Variants in FHOD1 observed in about 807,000 individuals in gnomAD.
The protein encoded by FHOD1 is FH1/FH2 domain-containing protein 1.
In FHOD1, 89 loss-of-function variants were observed where a neutral mutation model predicts 111.6. The observed-to-expected ratio is 0.80, with a 90% CI of 0.67 to 0.95. The LOEUF (loss-of-function observed/expected upper bound fraction) is 0.95. Among genes scored for constraint, FHOD1 ranks in the 40% least tolerant of loss-of-function variants. The pLI is 0.00. For synonymous variants in FHOD1, 618 were observed against 639.0 expected (o/e 0.97, Z 0.50); for missense variants, 1,446 against 1,554.2 (o/e 0.93, Z 1.17).
intron 19 of FHOD1, 38 bp from the exon 20 acceptor site, chr16:67,230,266 G>A: frequency 1.2e-6 from 2 of 1,613,504 alleles, no homozygotes; most frequent in Non-Finnish European, 8.5e-7. Context: ...AGGAGCGAAG[G>A]AAACCAAGGA....
intron 1 of FHOD1, among the ~76,000 whole-genome samples, chr16:67,246,391 G>A (rs2034833068): frequency 6.6e-6 from 1 of 152,226 alleles, no homozygotes; most frequent in Non-Finnish European, 1.5e-5. Flanking sequence ...GCTGCCTGCG[G>A]GGGGCTGACG....
chr16:67,247,312 G>A lies in FHOD1; in HGVS notation c.99C>T (p.Asn33=), dbSNP rs546827133. 3.1e-6 allele frequency: 5 copies of A among 1,613,574 alleles called. No individual in the cohort carries two copies. Among genetic ancestry groups the A allele is most frequent in the South Asian group, 1.1e-5 (1 of 91,086 alleles). The part of the protein sequence containing the change: ...LEDTDPFACA[N]FPEPRRAPTC... The stretch of plus-strand genomic sequence containing the variant: ...TGGGGGCCCGGCGCGGCTCCGGAAA[G>A]TTGGCACATGCGAAGGGGTCGGTGT... The change falls in exon 1 of 22, where the codon AAC becomes AAT. Residue 33 remains asparagine (N), a synonymous_variant. Transcript: ENST00000258201.
At chr16:67,236,848 G>T in intron 10 of FHOD1, 115 bp from the exon 11 acceptor site, 1 of 1,416,446 alleles carries the variant, frequency 7.1e-7, no homozygotes. Context: ...AGGCCCAGTG[G>T]AGGAGGTGGG....
In FHOD1 at chr16:67,231,898, C is replaced by A; in HGVS notation, c.2203-79G>T. ...GAGGCATTGGTCTTGACCCCTCAGT[C>A]ATCTAGGGGAGGCCCCAGTGTCTGG... On this transcript the variant is annotated intron_variant, in intron 14 of 21. Transcript: ENST00000258201. This position sits in a 1 kb window ranked among gnomAD's most constrained non-coding sequence, Gnocchi z 4.3. 6.5e-7 allele frequency: 1 copy of A among 1,543,116 alleles called. No individual in the cohort carries two copies. Among genetic ancestry groups the A allele is most frequent in the South Asian group, 1.2e-5 (1 of 82,630 alleles).
At chr16:67,243,810 C>T (rs142905356) in intron 1 of FHOD1, among the ~76,000 whole-genome samples, 33 of 152,326 alleles carry the variant, frequency 2.2e-4, no homozygotes, top group Non-Finnish European at 4.0e-4. Flanking sequence ...GACACACGCA[C>T]CCCATGCAAG....
In FHOD1 at chr16:67,230,340, T is replaced by TG. The variant is rs766412779; in HGVS notation, c.3024dup (p.Lys1009GlnfsTer40). 1.2e-6 allele frequency: 2 copies of TG among 1,614,240 alleles called. No homozygotes were observed. Among genetic ancestry groups the TG allele is most frequent in the Non-Finnish European group, 1.7e-6 (2 of 1,180,030 alleles). ...TCGGTGATCATGCGTCCCCGGGTCTTGTTGCGCTCACGGTATGTGGCCTGC... is the reference window on the plus strand; with the variant it reads ...TCGGTGATCATGCGTCCCCGGGTCTTGGTTGCGCTCACGGTATGTGGCCTGC... On this transcript the variant is annotated frameshift_variant, in exon 19 of 22. Transcript: ENST00000258201. LOFTEE classifies it high-confidence loss of function.
Position 67,230,744 on chromosome 16 carries a change from C to T in FHOD1, c.2715G>A (p.Arg905=), listed in dbSNP as rs1039067687. 6.2e-7 allele frequency: 1 copy of T among 1,609,752 alleles called. No individual in the cohort carries two copies. The highest frequency in any genetic ancestry group is 1.3e-5 in the African/African-American group (1 of 75,000). Residue 905 remains arginine, a synonymous_variant, in exon 18 of 22, where the codon CGG becomes CGA. Transcript: ENST00000258201. ...GCAGGCTCTCCTCGGCTGCCCGGCTCCGGCGCTCCAGCTGCCCCAGGTTCT... is the reference window on the plus strand; with the variant it reads ...GCAGGCTCTCCTCGGCTGCCCGGCTTCGGCGCTCCAGCTGCCCCAGGTTCT... ...LTENLGQLER[R]SRAAEESLRS...
At chr16:67,241,962 A>C (rs550347166) in intron 1 of FHOD1, among the ~76,000 whole-genome samples, 1 of 152,006 alleles carries the variant, frequency 6.6e-6, no homozygotes, top group East Asian at 1.9e-4. Flanking sequence ...CTGAAGGTTA[A>C]ATAGTCCACC....
At position 67,237,356 on chromosome 16, in the gene FHOD1, G is replaced by A; in HGVS notation, c.876C>T (p.Asp292=). The change falls in exon 9 of 22, where the codon GAC becomes GAT. Residue 292 remains aspartate, a synonymous_variant. Transcript: ENST00000258201. This position sits in a 1 kb window ranked among gnomAD's most constrained non-coding sequence, Gnocchi z 5.6. ...GTGCATCCGTCACATCGTAGAAGGA[G>A]TCCTGGTCCGGGAGCGCCGCCAGCG... ...NKTLAALPDQ[D]SFYDVTDALE... is the part of the protein sequence containing the mutation. 2 of 1,614,070 alleles carry A rather than the reference G, an allele frequency of 1.2e-6. No individual in the cohort carries two copies. Among genetic ancestry groups the A allele is most frequent in the South Asian group, 1.1e-5 (1 of 91,080 alleles).
chr16:67,230,445 T>A lies in FHOD1; in HGVS notation c.2920A>T (p.Met974Leu), dbSNP rs367934888. ...TPQAAREVRI[M>L]QFCHTLREFA... The stretch of plus-strand genomic sequence containing the variant: ...TCCCGCAGCGTGTGGCAGAACTGCA[T>A]GATGCGCACTTCACGGGCCGCCTGC... The change falls in exon 19 of 22, where the codon ATG (methionine) becomes TTG (leucine). Residue 974 changes from methionine (M) to leucine (L), a missense_variant. This residue lies in a region of FHOD1 where 1,085 missense variants were observed against 1,108.8 expected (regional missense o/e 0.98). Transcript: ENST00000258201. 24 of 1,614,216 alleles carry A rather than the reference T, an allele frequency of 1.5e-5. No individual in the cohort carries two copies. Among genetic ancestry groups the A allele is most frequent in the Non-Finnish European group, 1.8e-5 (21 of 1,180,032 alleles).
rs757497666 is a variant in FHOD1 at position 67,236,954 on chromosome 16, GCTCGTA to G, written c.1142+6_1142+11del. ...GATCCACCCTTTCCCATCTACAGAT[GCTCGTA>G]CTTACCCAGGTTCCGGGGCACGCGC... On this transcript the variant is annotated splice_donor_region_variant and intron_variant, in intron 10 of 21. Coordinates refer to ENST00000258201, the MANE Select transcript of FHOD1 (RefSeq NM_013241.3). 3 of 1,572,062 alleles carry G rather than the reference GCTCGTA, an allele frequency of 1.9e-6. No individual in the cohort carries two copies. Among genetic ancestry groups the G allele is most frequent in the Non-Finnish European group, 2.6e-6 (3 of 1,160,818 alleles).
At position 67,239,042 on chromosome 16, in the gene FHOD1, AG is replaced by A. The variant is rs367633022; in HGVS notation, c.309-76del. The A allele has an allele frequency of 3.1e-4, 448 of 1,432,082 alleles. 2 individuals carry two copies. The African/African-American group carries it at 5.6e-3, about 18-fold the overall frequency. 88.7% of individuals were successfully genotyped at this position (1,432,082 alleles called of 1,614,324 possible). A position where few individuals can be genotyped will look rare whatever the true frequency, so the allele number is the denominator to read the frequency against. ...CCTCCCCACAAGCCAAGGGAGCCAAAGACCTCCCCATGCCAGCCCCAGCCCA... is the reference window on the plus strand; with the variant it reads ...CCTCCCCACAAGCCAAGGGAGCCAAAACCTCCCCATGCCAGCCCCAGCCCA... On this transcript the variant is annotated intron_variant, in intron 2 of 21. Transcript: ENST00000258201.
intron 21 of FHOD1, 37 bp downstream of exon 21, chr16:67,229,756 G>A: frequency 1.2e-6 from 2 of 1,614,020 alleles, no homozygotes; most frequent in Non-Finnish European, 1.7e-6. Context: ...GGTTGATGGG[G>A]TTCAGGTGGG....
chr16:67,241,867 C>T (rs1346912186), intron 1 of FHOD1, among the ~76,000 whole-genome samples: 5 of 152,238 alleles, frequency 3.3e-5, no homozygotes, highest in Non-Finnish European at 7.3e-5. Flanking sequence ...ACCACGCTGT[C>T]CTGCCTCCTT....
At chr16:67,233,125 C>T (rs530111328) in intron 13 of FHOD1, among the ~76,000 whole-genome samples, 3 of 151,758 alleles carry the variant, frequency 2.0e-5, no homozygotes, top group South Asian at 2.1e-4. Flanking sequence ...TTGCTCTTGT[C>T]CCCCAGGCTG....
intron 17 of FHOD1, 172 bp from the exon 18 acceptor site, chr16:67,230,963 AG>A: frequency 1.2e-6 from 1 of 848,318 alleles, no homozygotes; most frequent in Non-Finnish European, 1.8e-6. Flanking sequence ...GGGGAGCAGA[AG>A]GTTTACTGGG....
Position 67,233,707 on chromosome 16 carries a change from G to A in FHOD1, c.1996C>T (p.Arg666Ter), listed in dbSNP as rs1404674367. 19 of 1,609,986 alleles carry A rather than the reference G, an allele frequency of 1.2e-5. No homozygotes were observed. The highest frequency in any genetic ancestry group is 2.2e-5 in the East Asian group (1 of 44,728). Residue 666 changes from arginine (R) to a stop codon, truncating the protein, a stop_gained, in exon 13 of 22, where the codon CGA becomes TGA. Coordinates refer to ENST00000258201, the MANE Select transcript of FHOD1 (RefSeq NM_013241.3). LOFTEE classifies it high-confidence loss of function. Reference protein sequence around the residue: ...SLDPVSVDTARLEHLFESRAK... With the variant: ...SLDPVSVDTA Reference sequence around the variant, plus strand: ...CGAGACTCAAAGAGGTGTTCCAGTCGGGCCGTGTCCACTGAGACAGGGTCC... The same window carrying A: ...CGAGACTCAAAGAGGTGTTCCAGTCAGGCCGTGTCCACTGAGACAGGGTCC...
rs1422267033 is a variant in FHOD1, at chr16:67,237,749, G to A, written c.662C>T (p.Thr221Ile). The A allele has an allele frequency of 7.4e-6, 12 of 1,614,078 alleles. No homozygotes were observed. Among genetic ancestry groups the A allele is most frequent in the African/African-American group, 1.3e-5 (1 of 74,930 alleles). The change falls in exon 7 of 22, where the codon ACA becomes ATA. Residue 221 changes from threonine (T) to isoleucine (I), a missense_variant. Transcript: ENST00000258201. The surrounding 1 kb of genome is among the most constrained non-coding windows in gnomAD (Gnocchi z 5.6). ...CASLSRLVVK[T>I]ALKLLLVFVE... ...AAACACCAACAGCAGCTTCAGGGCT[G>A]TCTTCACCACCAAGCGGGACTGAGG... is the stretch of plus-strand genomic sequence containing the variant.
At chr16:67,232,015 A>G (rs1033811337) in intron 14 of FHOD1, 24 bp downstream of exon 14, 4 of 1,613,148 alleles carry the variant, frequency 2.5e-6, no homozygotes, top group Admixed American at 1.7e-5. Flanking sequence ...CCTCCCCCCA[A>G]CACCCATAGC....
Sources: gnomAD v4.1 joint callset for allele counts (sites outside exome capture counted in the v4.1 genomes callset) on GRCh38, gnomAD v4.1.1 for gene constraint, gnomAD v4.1.1 regional missense constraint, Gnocchi (gnomAD v3.1) non-coding constraint, MANE v1.5 for transcripts, NCBI Gene and HGNC (gene_info 2026-07-23, HGNC 2026-07-21) for gene names.